IDI1: variants seen among roughly 807,000 people sequenced by gnomAD.
The protein encoded by IDI1 is isopentenyl-diphosphate delta isomerase 1.
IDI1 carries 23 observed loss-of-function variants against 32.9 expected under a neutral mutation model. The ratio of observed to expected loss-of-function variants is 0.70; its 90% confidence interval spans 0.50 to 0.99. The LOEUF (loss-of-function observed/expected upper bound fraction) is 0.99, where lower values mean the gene tolerates loss of function less well. Ranked by LOEUF, IDI1 falls within the 50% of genes least tolerant of loss-of-function variation. IDI1 has a pLI of 0.00. For missense variants in IDI1, 326 were observed against 351.9 expected, an observed-to-expected ratio of 0.93 and a Z score of 0.59; for synonymous variants, 133 against 128.2, an observed-to-expected ratio of 1.04 and a Z score of -0.25.
At chr10:1,049,184 G>T, upstream of IDI1, 1 of 1,060,798 alleles carries the variant, frequency 9.4e-7, no homozygotes, top group East Asian at 3.2e-5. Flanking sequence ...GTTCCGCAGA[G>T]GCAGCGTCCC....
At position 1,039,562 on chromosome 10, in the gene IDI1, A is replaced by G. The variant is rs1340977350; in HGVS notation, c.*1625T>C. On this transcript the variant is annotated 3_prime_UTR_variant, in exon 5 of 5. Transcript: ENST00000381344. ...GGGGTCAGAAGCAGCTATATCTAGG[A>G]GAGGGATACTCCTCTTTATAAAAGA... 2.0e-5 allele frequency: 3 copies of G among 152,224 alleles called. No individual in the cohort carries two copies. The highest frequency in any genetic ancestry group is 7.2e-5 in the African/African-American group (3 of 41,454). The allele number at this position is 152,224 out of a possible 1,614,324, so 9.4% of individuals were successfully genotyped here. A position where few individuals can be genotyped will look rare whatever the true frequency, so the allele number is the denominator to read the frequency against.
upstream of IDI1, among the ~76,000 whole-genome samples, chr10:1,049,346 C>T (rs1028766435): frequency 2.0e-4 from 31 of 152,202 alleles, no homozygotes; most frequent in African/African-American, 7.2e-4. Context: ...CGAAAGCGCC[C>T]GGGCGCCAAG....
In IDI1 at chr10:1,040,589, T is replaced by C. The variant is rs562570844; in HGVS notation, c.*598A>G. On this transcript the variant is annotated 3_prime_UTR_variant, in exon 5 of 5. Coordinates refer to ENST00000381344, the MANE Select transcript of IDI1 (RefSeq NM_004508.4). ...ATCAAAAGCAGTGGCTGACTGTAAGTATCAACATGTTTCCAGAATGAATAA... is the reference window on the plus strand; with the variant it reads ...ATCAAAAGCAGTGGCTGACTGTAAGCATCAACATGTTTCCAGAATGAATAA... The C allele has an allele frequency of 6.6e-6, 1 of 152,462 alleles. No individual in the cohort carries two copies. Among genetic ancestry groups the C allele is most frequent in the Non-Finnish European group, 1.5e-5 (1 of 68,112 alleles). The allele number at this position is 152,462 out of a possible 1,614,324, so 9.4% of individuals were successfully genotyped here. A position where few individuals can be genotyped will look rare whatever the true frequency, so the allele number is the denominator to read the frequency against.
At position 1,049,111 on chromosome 10, in the gene IDI1, G is replaced by C; in HGVS notation, c.-108C>G. ...GACAACGGCAGACGCGCGAAGCACC[G>C]GGAACCTGAGCCGTGACCGCGGGCT... On this transcript the variant is annotated 5_prime_UTR_variant, in exon 1 of 5. Coordinates refer to ENST00000381344, the MANE Select transcript of IDI1 (RefSeq NM_004508.4). 7.1e-7 allele frequency: 1 copy of C among 1,402,908 alleles called. No homozygotes were observed. Among genetic ancestry groups the C allele is most frequent in the Non-Finnish European group, 9.2e-7 (1 of 1,085,702 alleles). The allele number at this position is 1,402,908 out of a possible 1,614,324, so 86.9% of individuals were successfully genotyped here.
chr10:1,047,875 G>A (rs1319529990), intron 1 of IDI1, among the ~76,000 whole-genome samples: 1 of 152,202 alleles, frequency 6.6e-6, no homozygotes, highest in Non-Finnish European at 1.5e-5. Context: ...CAGTACAGAT[G>A]AAATTTTTTT....
At chr10:1,054,075 A>G (rs1271476402), upstream of IDI1, among the ~76,000 whole-genome samples, 1 of 152,244 alleles carries the variant, frequency 6.6e-6, no homozygotes, top group Admixed American at 6.5e-5. Flanking sequence ...GTAATATCAA[A>G]GATCACTAAT....
chr10:1,053,762 C>G (rs992824091), upstream of IDI1, among the ~76,000 whole-genome samples: 5 of 149,716 alleles, frequency 3.3e-5, no homozygotes, highest in African/African-American at 9.9e-5. Flanking sequence ...CAGGGTCTTG[C>G]TTTGCTGCCC....
chr10:1,048,737 C>G (rs1832881484), intron 1 of IDI1, 127 bp downstream of exon 1: 6 of 1,450,252 alleles, frequency 4.1e-6, no homozygotes, highest in Non-Finnish European at 5.4e-6. Flanking sequence ...CCACCCCCAG[C>G]TGTCCAGGCC....
chr10:1,050,880 AAAG>A (rs570738106), upstream of IDI1, among the ~76,000 whole-genome samples: 4 of 152,260 alleles, frequency 2.6e-5, no homozygotes, highest in Non-Finnish European at 5.9e-5. Flanking sequence ...TCAATGTTAC[AAAG>A]AAATGAATGA....
At position 1,048,948 on chromosome 10, in the gene IDI1, C is replaced by A; in HGVS notation, c.56G>T (p.Gly19Val). 5.1e-6 allele frequency: 8 copies of A among 1,572,632 alleles called. No individual in the cohort carries two copies. The highest frequency in any genetic ancestry group is 6.9e-6 in the Non-Finnish European group (8 of 1,162,884). Reference protein sequence around the residue: ...RAIGCAARGRGQWAVRAADCA... With the variant: ...RAIGCAARGRVQWAVRAADCA... ...GTCTGCGGCGCGCACCGCCCACTGG[C>A]CCCGCCCCCGGGCCGCGCAGCCAAT... The change falls in exon 1 of 5, where the codon GGC becomes GTC. Residue 19 changes from glycine to valine, a missense_variant. Transcript: ENST00000381344.
At chr10:1,051,669 A>G (rs890486937), upstream of IDI1, among the ~76,000 whole-genome samples, 6 of 152,326 alleles carry the variant, frequency 3.9e-5, no homozygotes, top group South Asian at 2.1e-4. Flanking sequence ...ATTAAAGTTA[A>G]TATTTTTTAC....
the IDI1 span, among the ~76,000 whole-genome samples, chr10:1,055,690 A>ACTTAATGC: frequency 6.7e-6 from 1 of 150,268 alleles, no homozygotes; most frequent in Non-Finnish European, 1.5e-5. Context: ...TTATTAATAT[A>ACTTAATGC]CTTAATGCAG....
At chr10:1,054,953 AAG>A in the IDI1 span, among the ~76,000 whole-genome samples, 5 of 152,248 alleles carry the variant, frequency 3.3e-5, no homozygotes, top group East Asian at 9.6e-4. Flanking sequence ...ATGCTGCCAC[AAG>A]CCAAGGAATG....
chr10:1,052,651 C>A (rs1464096715), upstream of IDI1, among the ~76,000 whole-genome samples: 2 of 152,102 alleles, frequency 1.3e-5, no homozygotes, highest in South Asian at 2.1e-4. Flanking sequence ...ATTTAGTAAA[C>A]CACACTGTGT....
upstream of IDI1, among the ~76,000 whole-genome samples, chr10:1,052,450 A>C (rs1355235716): frequency 6.6e-6 from 1 of 152,260 alleles, no homozygotes; most frequent in East Asian, 1.9e-4. Context: ...TTGAAAGTCA[A>C]AATGACTTCT....
intron 1 of IDI1, 80 bp downstream of exon 1, chr10:1,048,784 G>GCCT: frequency 6.5e-7 from 1 of 1,543,666 alleles, no homozygotes; most frequent in Non-Finnish European, 8.7e-7. Context: ...CAGACCTCGG[G>GCCT]CCTCCTCCCC....
At position 1,049,062 on chromosome 10, in the gene IDI1, G is replaced by T. The variant is rs1004843009; in HGVS notation, c.-59C>A. On this transcript the variant is annotated 5_prime_UTR_variant, in exon 1 of 5. Transcript: ENST00000381344. ...GACACAATCTCGCCAAGCTTCGCCT[G>T]GTGGTGCCACCTCCCTGGCCTGTGA... is the stretch of plus-strand genomic sequence containing the variant. 2.1e-5 allele frequency: 30 copies of T among 1,444,226 alleles called. No individual in the cohort carries two copies. The highest frequency in any genetic ancestry group is 2.5e-5 in the Non-Finnish European group (28 of 1,107,146). The allele number at this position is 1,444,226 out of a possible 1,614,324, so 89.5% of individuals were successfully genotyped here.
intron 1 of IDI1, among the ~76,000 whole-genome samples, chr10:1,044,711 T>C (rs1345852748): frequency 6.6e-6 from 1 of 152,234 alleles, no homozygotes; most frequent in Non-Finnish European, 1.5e-5. Context: ...TAAGACTTAA[T>C]CCAGTTTTTC....
chr10:1,050,046 T>G (rs1285607837), upstream of IDI1, among the ~76,000 whole-genome samples: 1 of 152,204 alleles, frequency 6.6e-6, no homozygotes, highest in Non-Finnish European at 1.5e-5. Context: ...AATACTGAAC[T>G]TGTGAGATGA....
Sources: allele counts gnomAD v4.1 joint callset (sites outside exome capture counted in the v4.1 genomes callset), GRCh38; gene constraint gnomAD v4.1.1; transcripts MANE v1.5; gene names NCBI Gene and HGNC (gene_info 2026-07-23, HGNC 2026-07-21).